Variants in PDE1A observed in about 807,000 individuals in gnomAD.
PDE1A encodes dual specificity calcium/calmodulin-dependent 3',5'-cyclic nucleotide phosphodiesterase 1A.
Under a neutral mutation model 61.7 loss-of-function variants are expected in PDE1A, and 35 were observed. That is an observed-to-expected ratio of 0.57 (90% CI 0.43 to 0.75). PDE1A has a LOEUF of 0.75. Among genes scored for constraint, PDE1A ranks in the 30% least tolerant of loss-of-function variants. PDE1A has a pLI of 0.00. For synonymous variants in PDE1A, 232 were observed against 213.2 expected, an observed-to-expected ratio of 1.09 and a Z score of -0.77; for missense variants, 597 against 630.6, an observed-to-expected ratio of 0.95 and a Z score of 0.57.
At chr2:182,652,016 T>C in the PDE1A span, among the ~76,000 whole-genome samples, 1 of 152,236 alleles carries the variant, frequency 6.6e-6, no homozygotes, top group African/African-American at 2.4e-5. Context: ...GAGCTTATTA[T>C]GTATTTTTAA....
rs192150856 is a variant in PDE1A, at chr2:182,438,417, T to C, written c.101+83859A>G. On this transcript the variant is annotated intron_variant, in intron 2 of 14. Transcript: ENST00000410103. ...GAAAGGTAAATTTTGATTTTAATTT[T>C]TAAATCTTGAAATATATTCTATTTT... Among the ~76,000 whole-genome samples the C allele has an allele frequency of 6.7e-4, 102 of 152,126 alleles. No individual in the cohort carries two copies. The Middle Eastern group carries it at 0.01, about 15-fold the overall frequency.
chr2:182,353,715 C>T (rs539400622), intron 1 of PDE1A, among the ~76,000 whole-genome samples: 73 of 152,032 alleles, frequency 4.8e-4, no homozygotes, highest in Middle Eastern at 6.8e-3. Context: ...TCTGTGAGAT[C>T]GAGCACAGGG....
intron 2 of PDE1A, among the ~76,000 whole-genome samples, chr2:182,253,831 T>A (rs1469430380): frequency 1.3e-5 from 2 of 152,172 alleles, no homozygotes; most frequent in Non-Finnish European, 2.9e-5. Flanking sequence ...AATTATATAA[T>A]CCTAAGCAAG....
At chr2:182,537,989 G>C in the PDE1A span, among the ~76,000 whole-genome samples, 4 of 152,112 alleles carry the variant, frequency 2.6e-5, no homozygotes, top group Non-Finnish European at 4.4e-5. Flanking sequence ...TGTGTCAAAA[G>C]CACCCTTCTG....
intron 13 of PDE1A, among the ~76,000 whole-genome samples, chr2:182,158,838 T>C (rs1000538927): frequency 6.6e-6 from 1 of 152,236 alleles, no homozygotes; most frequent in African/African-American, 2.4e-5. Context: ...AGATCACTTT[T>C]CCTTTCCTTT....
chr2:182,163,246 C>T (rs758620476), downstream of PDE1A, among the ~76,000 whole-genome samples: 9 of 152,176 alleles, frequency 5.9e-5, no homozygotes, highest in Non-Finnish European at 1.2e-4. Context: ...TGTTATGCAG[C>T]TATTGTTCTG....
intron 2 of PDE1A, among the ~76,000 whole-genome samples, chr2:182,445,650 C>G (rs1248600288): frequency 1.3e-5 from 2 of 152,048 alleles, no homozygotes; most frequent in Non-Finnish European, 2.9e-5. Context: ...ATGTTAAGAG[C>G]TGAAATACCA....
At chr2:182,317,801 G>A (rs531119162) in intron 1 of PDE1A, among the ~76,000 whole-genome samples, 5 of 152,200 alleles carry the variant, frequency 3.3e-5, no homozygotes, top group South Asian at 2.1e-4. Flanking sequence ...AAAATAAATA[G>A]ACATGAGAAA....
chr2:182,337,152 C>T (rs1477987376), intron 1 of PDE1A, among the ~76,000 whole-genome samples: 3 of 151,992 alleles, frequency 2.0e-5, no homozygotes, highest in African/African-American at 7.3e-5. Flanking sequence ...TTAATGTATA[C>T]ACTTTGCCTT....
chr2:182,193,988 C>A (rs1413434519), intron 10 of PDE1A, among the ~76,000 whole-genome samples: 1 of 152,128 alleles, frequency 6.6e-6, no homozygotes, highest in Non-Finnish European at 1.5e-5. Flanking sequence ...AAATAACACA[C>A]TTTATACTAC....
chr2:182,403,598 C>CAAAATAAAAAAAAAAAA (rs1702134204), intron 1 of PDE1A, among the ~76,000 whole-genome samples: 8 of 77,646 alleles, frequency 1.0e-4, no homozygotes, highest in African/African-American at 4.3e-4. Context: ...GACTCCGTCT[C>CAAAATAAAAAAAAAAAA]AAAAAAAAAA....
intron 1 of PDE1A, among the ~76,000 whole-genome samples, chr2:182,404,139 A>G (rs1021121829): frequency 2.0e-5 from 3 of 152,182 alleles, no homozygotes; most frequent in Admixed American, 1.3e-4. Context: ...AAGAAATTCT[A>G]TGCTTCAAAT....
At chr2:182,473,812 C>T (rs551159650) in intron 2 of PDE1A, among the ~76,000 whole-genome samples, 40 of 151,994 alleles carry the variant, frequency 2.6e-4, no homozygotes, top group Non-Finnish European at 4.9e-4. Flanking sequence ...CTTCAAAGAA[C>T]ATGATCTCAT....
At chr2:182,564,724 C>T in the PDE1A span, among the ~76,000 whole-genome samples, 1 of 152,138 alleles carries the variant, frequency 6.6e-6, no homozygotes, top group Non-Finnish European at 1.5e-5. Flanking sequence ...TCACATAGTC[C>T]CACATTTCTT....
At chr2:182,540,252 T>C in the PDE1A span, among the ~76,000 whole-genome samples, 9 of 151,004 alleles carry the variant, frequency 6.0e-5, no homozygotes, top group South Asian at 8.4e-4. Flanking sequence ...TAATCCCAGC[T>C]ACTCGGGAGC....
the PDE1A span, among the ~76,000 whole-genome samples, chr2:182,582,226 T>C: frequency 2.6e-5 from 4 of 152,100 alleles, no homozygotes; most frequent in Non-Finnish European, 4.4e-5. Flanking sequence ...TATAAAGCAA[T>C]GAACTGGGCA....
At chr2:182,230,013 C>A (rs769421406) in exon 6 of PDE1A, 4 of 1,610,544 alleles carry the variant, frequency 2.5e-6, no homozygotes, top group Non-Finnish European at 3.4e-6. Flanking sequence ...TACCATGATA[C>A]CTGTATGAAG....
chr2:182,365,672 T>C (rs1208922630), intron 1 of PDE1A, among the ~76,000 whole-genome samples: 2 of 152,038 alleles, frequency 1.3e-5, no homozygotes, highest in Non-Finnish European at 2.9e-5. Context: ...GGGCCTGCAA[T>C]GATAGAATTA....
At chr2:182,289,200 T>C (rs1317159741) in intron 1 of PDE1A, among the ~76,000 whole-genome samples, 1 of 152,148 alleles carries the variant, frequency 6.6e-6, no homozygotes, top group African/African-American at 2.4e-5. Context: ...TTCGTTTAGA[T>C]ATTAGAAAAT....
Sources: allele counts gnomAD v4.1 joint callset (sites outside exome capture counted in the v4.1 genomes callset), GRCh38; gene constraint gnomAD v4.1.1; transcripts MANE v1.5; gene names NCBI Gene and HGNC (gene_info 2026-07-23, HGNC 2026-07-21).